Variants in CTSS observed in about 807,000 individuals in gnomAD.
The protein encoded by CTSS is cathepsin S.
Under a neutral mutation model 39.9 loss-of-function variants are expected in CTSS, and 15 were observed. The observed-to-expected ratio is 0.38, with a 90% CI of 0.25 to 0.58. The LOEUF is 0.58. Ranked by LOEUF, CTSS falls within the 20% of genes least tolerant of loss-of-function variation. CTSS has a pLI of 0.70. For missense variants in CTSS, 250 were observed against 398.2 expected (o/e 0.63, Z 3.17); for synonymous variants, 126 against 138.2 (o/e 0.91, Z 0.62).
At chr1:150,763,201 A>G (rs1355892998) in intron 2 of CTSS, among the ~76,000 whole-genome samples, 2 of 152,162 alleles carry the variant, frequency 1.3e-5, no homozygotes, top group African/African-American at 4.8e-5. Context: ...AAAGACAAGT[A>G]CTGCATAATC....
chr1:150,753,615 T>C (rs1382216579), intron 4 of CTSS, among the ~76,000 whole-genome samples: 1 of 152,216 alleles, frequency 6.6e-6, no homozygotes, highest in African/African-American at 2.4e-5. Context: ...TTTGCTTAGT[T>C]CAGTGTTTGT....
intron 3 of CTSS, among the ~76,000 whole-genome samples, chr1:150,757,357 T>C (rs1181517372): frequency 6.6e-6 from 1 of 152,220 alleles, no homozygotes. Context: ...GATTCCTGCA[T>C]TTAAGAAGGA....
chr1:150,739,468 T>C (rs1457658703), intron 7 of CTSS, among the ~76,000 whole-genome samples: 2 of 151,974 alleles, frequency 1.3e-5, no homozygotes, highest in African/African-American at 4.8e-5. Context: ...TCCAGCACTT[T>C]GGGAAGCTCA....
chr1:150,754,849 G>T, intron 4 of CTSS, 152 bp downstream of exon 4: 1 of 793,444 alleles, frequency 1.3e-6, no homozygotes, highest in East Asian at 2.6e-5. Context: ...TTGCCCTTAA[G>T]GAACTTATAA....
At chr1:150,763,843 G>A (rs1286970572) in intron 2 of CTSS, among the ~76,000 whole-genome samples, 3 of 152,098 alleles carry the variant, frequency 2.0e-5, no homozygotes, top group Non-Finnish European at 2.9e-5. Context: ...ACGCCTTTTC[G>A]CTCCTCAGCC....
chr1:150,743,244 A>G (rs1360917753), intron 7 of CTSS, among the ~76,000 whole-genome samples: 1 of 151,918 alleles, frequency 6.6e-6, no homozygotes, highest in East Asian at 1.9e-4. Flanking sequence ...GGTCATTGAG[A>G]GCAACTTTCC....
Position 150,731,107 on chromosome 1 carries a change from G to A in CTSS, c.*1939C>T, listed in dbSNP as rs1182105389. The A allele has an allele frequency of 6.6e-6, 1 of 152,194 alleles. No individual in the cohort carries two copies. The highest frequency in any genetic ancestry group is 1.9e-4 in the East Asian group (1 of 5,198). The allele number at this position is 152,194 out of a possible 1,614,324, so 9.4% of individuals were successfully genotyped here. A position where few individuals can be genotyped will look rare whatever the true frequency, so the allele number is the denominator to read the frequency against. Reference sequence around the variant, plus strand: ...AATTATGTTAAAAACTGAAAAGTAGGCTGGGCTCAGTGGCTCACGCCTGTA... The same window carrying A: ...AATTATGTTAAAAACTGAAAAGTAGACTGGGCTCAGTGGCTCACGCCTGTA... On this transcript the variant is annotated 3_prime_UTR_variant, in exon 8 of 8. Transcript: ENST00000368985.
chr1:150,732,973 G>C lies in CTSS; in HGVS notation c.*73C>G. 1 of 1,017,344 alleles carries C rather than the reference G, an allele frequency of 9.8e-7. No individual in the cohort carries two copies. The highest frequency in any genetic ancestry group is 2.5e-5 in the East Asian group (1 of 40,230). The allele number at this position is 1,017,344 out of a possible 1,614,324, so 63.0% of individuals were successfully genotyped here. On this transcript the variant is annotated 3_prime_UTR_variant, in exon 8 of 8. Transcript: ENST00000368985. Reference sequence around the variant, plus strand: ...AATCATGACACAATTATTTCTTCTGGATACAGCAGGAAAAATTAAGTTAAG... The same window carrying C: ...AATCATGACACAATTATTTCTTCTGCATACAGCAGGAAAAATTAAGTTAAG...
At chr1:150,741,887 G>T (rs113739463) in intron 7 of CTSS, among the ~76,000 whole-genome samples, 10 of 151,580 alleles carry the variant, frequency 6.6e-5, no homozygotes, top group East Asian at 1.9e-4. Context: ...AAAAAAAAGG[G>T]GGGGGGAAGA....
At chr1:150,737,329 C>T (rs1285602810) in intron 7 of CTSS, among the ~76,000 whole-genome samples, 6 of 152,198 alleles carry the variant, frequency 3.9e-5, no homozygotes, top group African/African-American at 7.2e-5. Flanking sequence ...CTCGAACTCC[C>T]AACCTCAGGT....
intron 1 of CTSS, among the ~76,000 whole-genome samples, chr1:150,765,420 CTTTCT>C (rs952978100): frequency 1.2e-4 from 19 of 152,042 alleles, no homozygotes; most frequent in African/African-American, 4.6e-4. Context: ...CTGGATTCTA[CTTTCT>C]TTTCCATTTC....
intron 5 of CTSS, among the ~76,000 whole-genome samples, chr1:150,751,545 G>A (rs1653007251): frequency 6.6e-6 from 1 of 152,148 alleles, no homozygotes; most frequent in African/African-American, 2.4e-5. Context: ...ACTACGCCCA[G>A]TCATTAAAAT....
intron 6 of CTSS, 87 bp from the exon 7 acceptor site, chr1:150,747,966 T>G: frequency 1.2e-6 from 1 of 861,558 alleles, no homozygotes; most frequent in Non-Finnish European, 1.9e-6. Flanking sequence ...TTTATTAGCC[T>G]GCTTTGGATA....
At chr1:150,759,140 GATT>G (rs2101925743) in intron 2 of CTSS, among the ~76,000 whole-genome samples, 1 of 151,672 alleles carries the variant, frequency 6.6e-6, no homozygotes, top group South Asian at 2.1e-4. Context: ...AAAGTGCTGG[GATT>G]ACAGGCATGA....
intron 1 of CTSS, among the ~76,000 whole-genome samples, chr1:150,765,080 G>A (rs1653343302): frequency 7.2e-6 from 1 of 138,902 alleles, no homozygotes; most frequent in Admixed American, 7.6e-5. Flanking sequence ...CTAATCAAAG[G>A]AAATCTCTTT....
chr1:150,758,851 T>TA (rs1251550152), intron 2 of CTSS, among the ~76,000 whole-genome samples: 2 of 142,660 alleles, frequency 1.4e-5, no homozygotes, highest in Non-Finnish European at 3.1e-5. Flanking sequence ...CGCCCAGCAT[T>TA]TTTTTTTTTT....
intron 4 of CTSS, 68 bp from the exon 5 acceptor site, chr1:150,752,076 A>C: frequency 1.3e-6 from 2 of 1,498,162 alleles, no homozygotes; most frequent in Non-Finnish European, 9.2e-7. Flanking sequence ...CATAACCCAA[A>C]CTGGACAACG....
chr1:150,750,036 G>A lies in CTSS; in HGVS notation c.763C>T (p.Arg255Cys), dbSNP rs746366784. The A allele has an allele frequency of 7.5e-6, 12 of 1,608,534 alleles. No individual in the cohort carries two copies. Among genetic ancestry groups the A allele is most frequent in the African/African-American group, 1.3e-5 (1 of 74,496 alleles). ...KGPVSVGVDA[R>C]HPSFFLYRSG... is the part of the protein sequence containing the mutation. ...CTGTAGAGGAAGAAAGAAGGATGAC[G>A]CGCATCTACACCAACAGACACTGGG... Residue 255 changes from arginine (R) to cysteine (C), a missense_variant, in exon 6 of 8, where the codon CGT (arginine) becomes TGT (cysteine). Arg to Cys is a radical substitution (Grantham distance 180). Coordinates refer to ENST00000368985, the MANE Select transcript of CTSS (RefSeq NM_004079.5).
At chr1:150,733,876 C>G (rs1246647989) in intron 7 of CTSS, among the ~76,000 whole-genome samples, 2 of 152,054 alleles carry the variant, frequency 1.3e-5, no homozygotes, top group Non-Finnish European at 2.9e-5. Flanking sequence ...GCAGAGGCTA[C>G]TTGTTAGAGA....
Sources: allele counts gnomAD v4.1 joint callset (sites outside exome capture counted in the v4.1 genomes callset), GRCh38; gene constraint gnomAD v4.1.1; transcripts MANE v1.5; gene names NCBI Gene and HGNC (gene_info 2026-07-23, HGNC 2026-07-21).